The following IQSEC1 variants were observed in gnomAD, a reference collection of about 807,000 sequenced individuals.
The protein encoded by IQSEC1 is IQ motif and Sec7 domain ArfGEF 1, also known as IQ motif and SEC7 domain-containing protein 1.
A neutral mutation model predicts 91.0 loss-of-function variants in IQSEC1; 31 were observed. The ratio of observed to expected loss-of-function variants is 0.34; its 90% confidence interval spans 0.26 to 0.46. The LOEUF is 0.46. IQSEC1 is among the 20% of genes least tolerant of loss of function. IQSEC1 has a pLI of 1.00. For missense variants in IQSEC1, 1,388 were observed against 1,575.6 expected (o/e 0.88, Z 2.02); for synonymous variants, 699 against 662.6 (o/e 1.05, Z -0.84).
chr3:13,148,779 A>C (rs1022562541), intron 2 of IQSEC1, among the ~76,000 whole-genome samples: 1 of 152,228 alleles, frequency 6.6e-6, no homozygotes, highest in Non-Finnish European at 1.5e-5. Context: ...GGAGTGTCAC[A>C]TCTGTCACCT....
chr3:13,063,313 A>G (rs1003937426), intron 1 of IQSEC1, among the ~76,000 whole-genome samples: 1 of 152,266 alleles, frequency 6.6e-6, no homozygotes, highest in African/African-American at 2.4e-5. Flanking sequence ...ACAAAGTCAT[A>G]AAAAGTACTT....
chr3:13,095,737 T>A (rs1705943881), intron 2 of IQSEC1, among the ~76,000 whole-genome samples: 3 of 152,046 alleles, frequency 2.0e-5, no homozygotes, highest in African/African-American at 7.2e-5. Context: ...GACGGGCAAT[T>A]TGCAGAGGGC....
At position 12,899,299 on chromosome 3, in the gene IQSEC1, C is replaced by T. The variant is rs559774529; in HGVS notation, c.*1684G>A. 2.9e-5 allele frequency: 42 copies of T among 1,427,140 alleles called. No homozygotes were observed. The highest frequency in any genetic ancestry group is 4.8e-5 in the South Asian group (4 of 82,632). The allele number at this position is 1,427,140 out of a possible 1,614,324, so 88.4% of individuals were successfully genotyped here. ...ACGCTGTCCACTGGGAACGCGGCCC[C>T]GCGGCCCGCAGAGTCAGGCGTGAGC... On this transcript the variant is annotated 3_prime_UTR_variant, in exon 14 of 14. Coordinates refer to ENST00000613206, the MANE Select transcript of IQSEC1 (RefSeq NM_001134382.3).
At chr3:13,145,420 G>C (rs1259936179) in intron 2 of IQSEC1, among the ~76,000 whole-genome samples, 1 of 152,168 alleles carries the variant, frequency 6.6e-6, no homozygotes, top group African/African-American at 2.4e-5. Context: ...TCTGCAGTCG[G>C]TACTCATGCC....
chr3:13,119,899 C>A (rs1706396220), intron 2 of IQSEC1, among the ~76,000 whole-genome samples: 1 of 152,126 alleles, frequency 6.6e-6, no homozygotes, highest in Non-Finnish European at 1.5e-5. Context: ...GGAAGGCCGT[C>A]CACACTCTGC....
chr3:12,966,368 A>G (rs1358058084), intron 1 of IQSEC1, among the ~76,000 whole-genome samples: 1 of 152,166 alleles, frequency 6.6e-6, no homozygotes, highest in Non-Finnish European at 1.5e-5. Flanking sequence ...TGAAAGATCA[A>G]ACAGCTCCAG....
At chr3:13,195,298 C>A (rs1485123685) in intron 1 of IQSEC1, among the ~76,000 whole-genome samples, 1 of 152,114 alleles carries the variant, frequency 6.6e-6, no homozygotes, top group Non-Finnish European at 1.5e-5. Context: ...CCACTGCATG[C>A]CTACCGTGAT....
chr3:13,236,722 C>A (rs958523321), intron 1 of IQSEC1, among the ~76,000 whole-genome samples: 1 of 152,240 alleles, frequency 6.6e-6, no homozygotes, highest in African/African-American at 2.4e-5. Context: ...TGTGCTAGGG[C>A]TGGGACACAG....
chr3:13,144,815 G>A (rs921524893), intron 2 of IQSEC1, among the ~76,000 whole-genome samples: 1 of 152,228 alleles, frequency 6.6e-6, no homozygotes, highest in Non-Finnish European at 1.5e-5. Flanking sequence ...AGGAACACAG[G>A]CTTCCCACAG....
chr3:13,017,512 C>T (rs1703191431), intron 1 of IQSEC1, among the ~76,000 whole-genome samples: 1 of 152,168 alleles, frequency 6.6e-6, no homozygotes. Context: ...CCAAGAAGAG[C>T]CTCACCCACA....
At chr3:13,271,525 G>A (rs1029723361) in intron 1 of IQSEC1, among the ~76,000 whole-genome samples, 5 of 152,236 alleles carry the variant, frequency 3.3e-5, no homozygotes, top group Non-Finnish European at 5.9e-5. Flanking sequence ...GCTGGGTACA[G>A]TAGCTCATGC....
intron 1 of IQSEC1, among the ~76,000 whole-genome samples, chr3:12,975,043 A>G (rs867957930): frequency 6.6e-6 from 1 of 152,240 alleles, no homozygotes; most frequent in African/African-American, 2.4e-5. Context: ...GGGCCTCAGC[A>G]TCTTCAGCCT....
intron 1 of IQSEC1, among the ~76,000 whole-genome samples, chr3:12,988,355 C>T (rs1701837228): frequency 6.6e-6 from 1 of 152,118 alleles, no homozygotes; most frequent in South Asian, 2.1e-4. Flanking sequence ...GTGCAGGTTG[C>T]TGTGAGCTGA....
chr3:12,977,552 CTGGCTTAGACACCG>C (rs1460783233), intron 1 of IQSEC1, among the ~76,000 whole-genome samples: 1 of 152,222 alleles, frequency 6.6e-6, no homozygotes, highest in Non-Finnish European at 1.5e-5. Context: ...CTGGATGTCA[CTGGCTTAGACACCG>C]TGGCAGGGCC....
At chr3:12,968,068 C>A (rs1393405027) in intron 1 of IQSEC1, among the ~76,000 whole-genome samples, 21 of 152,332 alleles carry the variant, frequency 1.4e-4, no homozygotes, top group African/African-American at 4.3e-4. Flanking sequence ...TGGCGCCTCC[C>A]GGGAGCCATG....
intron 2 of IQSEC1, among the ~76,000 whole-genome samples, chr3:13,087,575 A>G (rs1705757620): frequency 6.6e-6 from 1 of 152,218 alleles, no homozygotes; most frequent in Non-Finnish European, 1.5e-5. Context: ...CCACTATCCC[A>G]GTCATGTTTT....
chr3:12,946,213 T>C (rs1246596053), intron 1 of IQSEC1, among the ~76,000 whole-genome samples: 1 of 152,228 alleles, frequency 6.6e-6, no homozygotes, highest in East Asian at 1.9e-4. Context: ...CCTCTTGAGC[T>C]CAGCTGCTGG....
At chr3:13,176,081 G>A (rs941033494) in intron 1 of IQSEC1, among the ~76,000 whole-genome samples, 7 of 152,186 alleles carry the variant, frequency 4.6e-5, no homozygotes, top group East Asian at 3.9e-4. Context: ...GTGATTGCTC[G>A]CTCTGGGGAC....
In IQSEC1 at chr3:12,929,355, C is replaced by T. The variant is rs1415881009; in HGVS notation, c.1569-4613G>A. On this transcript the variant is annotated intron_variant, in intron 3 of 13. Transcript: ENST00000613206. ...ATGCCACAGAAAGCTGGGACGGCAT[C>T]GACTTCAGCTGGAAGGGGCAGAAGG... 2.0e-5 allele frequency among the ~76,000 whole-genome samples: 3 copies of T among 152,146 alleles called. No homozygotes were observed. In the East Asian group the frequency reaches 5.8e-4, roughly 29 times the overall value.
Sources: allele counts gnomAD v4.1 joint callset (sites outside exome capture counted in the v4.1 genomes callset), GRCh38; gene constraint gnomAD v4.1.1; transcripts MANE v1.5; gene names NCBI Gene and HGNC (gene_info 2026-07-23, HGNC 2026-07-21).